The following TRUB1 variants were observed in gnomAD, a reference collection of about 807,000 sequenced individuals.
TRUB1 encodes TruB pseudouridine synthase family member 1.
In TRUB1, 23 loss-of-function variants were observed where a neutral mutation model predicts 33.9. The ratio of observed to expected loss-of-function variants is 0.68; its 90% CI spans 0.49 to 0.96. TRUB1 has a LOEUF of 0.96. Ranked by LOEUF, TRUB1 falls within the 40% of genes least tolerant of loss-of-function variation. The pLI is 0.00. For missense variants in TRUB1, 378 were observed against 422.2 expected (o/e 0.90, Z 0.92); for synonymous variants, 163 against 165.4 (o/e 0.99, Z 0.11).
chr10:114,955,251 T>G (rs1268570373), intron 3 of TRUB1, among the ~76,000 whole-genome samples: 1 of 152,188 alleles, frequency 6.6e-6, no homozygotes, highest in Non-Finnish European at 1.5e-5. Flanking sequence ...TTCCCTAAAT[T>G]ACACTTTCTT....
chr10:114,953,569 A>G (rs1386527952), intron 3 of TRUB1, among the ~76,000 whole-genome samples: 3 of 152,194 alleles, frequency 2.0e-5, no homozygotes. Context: ...AGTAAGAAAC[A>G]TATTTTATGT....
intron 3 of TRUB1, among the ~76,000 whole-genome samples, chr10:114,954,064 T>TAAA (rs377033591): frequency 1.5e-4 from 23 of 148,626 alleles, no homozygotes; most frequent in Admixed American, 1.3e-4. Context: ...TCTATTTCAT[T>TAAA]AAAAAAAAAA....
chr10:114,963,087 G>A (rs909180041), intron 4 of TRUB1, among the ~76,000 whole-genome samples: 4 of 152,186 alleles, frequency 2.6e-5, no homozygotes, highest in African/African-American at 9.7e-5. Flanking sequence ...TGTGGACCAA[G>A]CATCCGGGAA....
chr10:114,962,239 A>T (rs1401163054), intron 4 of TRUB1, among the ~76,000 whole-genome samples: 1 of 152,158 alleles, frequency 6.6e-6, no homozygotes, highest in East Asian at 1.9e-4. Context: ...CATTTTTAGT[A>T]GAGGCAGGGT....
chr10:114,973,444 C>T (rs997000560), intron 6 of TRUB1, among the ~76,000 whole-genome samples: 4 of 152,192 alleles, frequency 2.6e-5, no homozygotes, highest in African/African-American at 9.6e-5. Context: ...TGCCCACTTT[C>T]AATTTCAGCA....
intron 3 of TRUB1, among the ~76,000 whole-genome samples, chr10:114,958,206 C>T (rs1007351429): frequency 6.6e-6 from 1 of 152,288 alleles, no homozygotes; most frequent in African/African-American, 2.4e-5. Context: ...TCTCATACTT[C>T]CCCCTGTGGT....
chr10:114,944,075 A>G (rs1307429154), intron 2 of TRUB1, among the ~76,000 whole-genome samples: 1 of 145,196 alleles, frequency 6.9e-6, no homozygotes, highest in African/African-American at 2.6e-5. Context: ...AAGTGTGTAT[A>G]CACAGGCTAG....
At chr10:114,957,264 C>T (rs188231736) in intron 3 of TRUB1, among the ~76,000 whole-genome samples, 6 of 152,192 alleles carry the variant, frequency 3.9e-5, no homozygotes, top group Non-Finnish European at 7.4e-5. Context: ...TCATCATGTG[C>T]TAAGATGTGT....
intron 7 of TRUB1, among the ~76,000 whole-genome samples, 167 bp from the exon 8 acceptor site, chr10:114,974,956 A>G (rs2084353397): frequency 6.6e-6 from 1 of 152,044 alleles, no homozygotes; most frequent in Non-Finnish European, 1.5e-5. Context: ...TTATTTTGCT[A>G]CTTAATCATT....
chr10:114,972,781 A>C (rs2084343306), intron 6 of TRUB1, among the ~76,000 whole-genome samples: 2 of 152,180 alleles, frequency 1.3e-5, no homozygotes, highest in African/African-American at 4.8e-5. Flanking sequence ...AAATATGGAA[A>C]AACATGGGTA....
In TRUB1 at chr10:114,977,288, T is replaced by C. The variant is rs2084365509; in HGVS notation, c.*1909T>C. The C allele has an allele frequency of 6.6e-6, 1 of 152,100 alleles. No homozygotes were observed. Among genetic ancestry groups the C allele is most frequent in the South Asian group, 2.1e-4 (1 of 4,826 alleles). The allele number at this position is 152,100 out of a possible 1,614,324, so 9.4% of individuals were successfully genotyped here. A position where few individuals can be genotyped will look rare whatever the true frequency, so the allele number is the denominator to read the frequency against. On this transcript the variant is annotated 3_prime_UTR_variant, in exon 8 of 8. Coordinates refer to ENST00000298746, the MANE Select transcript of TRUB1 (RefSeq NM_139169.5). ...TCACATAGTCTTAAGGCACCTATACTTTTAAATTGACTTTTTCATTTGATA... is the reference window on the plus strand; with the variant it reads ...TCACATAGTCTTAAGGCACCTATACCTTTAAATTGACTTTTTCATTTGATA...
Position 114,975,522 on chromosome 10 carries a change from A to T in TRUB1, c.*143A>T. ...AAAATGTCTATCATTTACAGTTTCA[A>T]TAGCACATAATTTATTTTCTATGCA... is the stretch of plus-strand genomic sequence containing the variant. On this transcript the variant is annotated 3_prime_UTR_variant, in exon 8 of 8. Coordinates refer to ENST00000298746, the MANE Select transcript of TRUB1 (RefSeq NM_139169.5). 2 of 760,000 alleles carry T rather than the reference A, an allele frequency of 2.6e-6. No homozygotes were observed. Among genetic ancestry groups the T allele is most frequent in the Admixed American group, 2.9e-5 (1 of 34,680 alleles). The allele number at this position is 760,000 out of a possible 1,614,324, so 47.1% of individuals were successfully genotyped here.
chr10:114,969,773 G>GGGGGAGGCT (rs1321536852), intron 4 of TRUB1, among the ~76,000 whole-genome samples: 1 of 148,222 alleles, frequency 6.7e-6, no homozygotes, highest in Non-Finnish European at 1.5e-5. Flanking sequence ...CAACAGAGAA[G>GGGGGAGGCT]GGGGAGGCTG....
intron 4 of TRUB1, among the ~76,000 whole-genome samples, chr10:114,963,625 A>G (rs544498977): frequency 1.8e-3 from 268 of 152,360 alleles, no homozygotes; most frequent in African/African-American, 6.3e-3. Context: ...TTTTGCAAAG[A>G]TAACTACTGT....
At chr10:114,962,016 ATAAG>A (rs1203454707) in intron 4 of TRUB1, among the ~76,000 whole-genome samples, 3 of 152,232 alleles carry the variant, frequency 2.0e-5, no homozygotes, top group African/African-American at 7.2e-5. Flanking sequence ...TAAATGGAAT[ATAAG>A]TAAGAAATAA....
chr10:114,966,364 A>G (rs1423022755), intron 4 of TRUB1, among the ~76,000 whole-genome samples: 2 of 152,200 alleles, frequency 1.3e-5, no homozygotes, highest in Admixed American at 6.5e-5. Flanking sequence ...TTAAACCAGT[A>G]CCACACTGTC....
chr10:114,953,332 A>G (rs1369423846), intron 3 of TRUB1, among the ~76,000 whole-genome samples: 1 of 152,224 alleles, frequency 6.6e-6, no homozygotes, highest in African/African-American at 2.4e-5. Flanking sequence ...AGGTATTTCA[A>G]AAATAGGCAT....
At chr10:114,964,111 A>G (rs755141940) in intron 4 of TRUB1, among the ~76,000 whole-genome samples, 8 of 152,212 alleles carry the variant, frequency 5.3e-5, no homozygotes, top group Non-Finnish European at 1.0e-4. Context: ...TTGCATTTCC[A>G]CTAGGAGTGC....
intron 7 of TRUB1, 87 bp from the exon 8 acceptor site, chr10:114,975,036 T>A: frequency 6.9e-7 from 1 of 1,450,754 alleles, no homozygotes; most frequent in Non-Finnish European, 9.2e-7. Flanking sequence ...GAGATTTCAA[T>A]TGAGTACGGT....
Sources: allele counts gnomAD v4.1 joint callset (sites outside exome capture counted in the v4.1 genomes callset), GRCh38; gene constraint gnomAD v4.1.1; transcripts MANE v1.5; gene names NCBI Gene and HGNC (gene_info 2026-07-23, HGNC 2026-07-21).